SCGB2B2: variants seen among roughly 807,000 people sequenced by gnomAD.
The protein encoded by SCGB2B2 is secretoglobin-like protein.
Under a neutral mutation model 7.6 loss-of-function variants are expected in SCGB2B2, and 11 were observed. The observed-to-expected ratio is 1.45, with a 90% confidence interval of 0.91 to 2.40. The LOEUF (loss-of-function observed/expected upper bound fraction) is 2.40, where lower values mean the gene tolerates loss of function less well. Among genes scored for constraint, SCGB2B2 ranks in the 30% most tolerant of loss-of-function variants. The pLI is 0.00. For missense variants in SCGB2B2, 104 were observed against 115.4 expected, an observed-to-expected ratio of 0.90 and a Z score of 0.45; for synonymous variants, 50 against 48.6, an observed-to-expected ratio of 1.03 and a Z score of -0.12.
At chr19:34,669,618 T>A (rs1365579305) in intron 1 of SCGB2B2, among the ~76,000 whole-genome samples, 6 of 147,220 alleles carry the variant, frequency 4.1e-5, no homozygotes, top group Non-Finnish European at 7.5e-5. Flanking sequence ...ACCCAACCCA[T>A]CCCACTGCAT....
rs775431174 is a variant in SCGB2B2, at chr19:34,594,754, G to A, written c.-191C>T. 6.4e-6 allele frequency: 4 copies of A among 624,760 alleles called. No individual in the cohort carries two copies. In the East Asian group the frequency reaches 8.4e-5, roughly 13 times the overall value. 38.7% of individuals were successfully genotyped at this position (624,760 alleles called of 1,614,324 possible). A position where few individuals can be genotyped will look rare whatever the true frequency, so the allele number is the denominator to read the frequency against. On this transcript the variant is annotated 5_prime_UTR_variant, in exon 2 of 4. It introduces an in-frame stop codon into an upstream open reading frame of the 5' UTR. Transcript: ENST00000601241. ...GAGACCCTCGGCCCTGGGCCATGCT[G>A]TTGGGGTGGCAGCGTATCGGGAACT...
chr19:34,659,362 G>A (rs2067384254), intron 1 of SCGB2B2, among the ~76,000 whole-genome samples: 1 of 152,174 alleles, frequency 6.6e-6, no homozygotes, highest in African/African-American at 2.4e-5. Context: ...CCTGTTTGCA[G>A]ATGACATGAT....
At chr19:34,616,444 G>A (rs867408178) in intron 1 of SCGB2B2, among the ~76,000 whole-genome samples, 1,430 of 118,404 alleles carry the variant, frequency 0.012, 80 homozygotes, top group African/African-American at 0.038. Context: ...GGCCAGTGAT[G>A]GTGAGCATTT....
intron 1 of SCGB2B2, among the ~76,000 whole-genome samples, chr19:34,650,011 G>A (rs561220172): frequency 1.3e-5 from 2 of 151,316 alleles, no homozygotes; most frequent in Non-Finnish European, 2.9e-5. Flanking sequence ...CATCCCCTAA[G>A]TGTCCTGAGG....
At chr19:34,604,563 GGTT>G (rs1367490725) in intron 1 of SCGB2B2, among the ~76,000 whole-genome samples, 1 of 152,154 alleles carries the variant, frequency 6.6e-6, no homozygotes, top group African/African-American at 2.4e-5. Flanking sequence ...TGAATTTTCA[GGTT>G]GTTTGTGACA....
At chr19:34,594,080 A>C (rs530369520) in intron 3 of SCGB2B2, 95 bp downstream of exon 3, 18 of 1,049,560 alleles carry the variant, frequency 1.7e-5, no homozygotes, top group Non-Finnish European at 2.6e-5. Context: ...TTCCTGCTTA[A>C]AACGTGGAAA....
At chr19:34,672,398 G>A (rs2067825723) in intron 1 of SCGB2B2, among the ~76,000 whole-genome samples, 1 of 151,928 alleles carries the variant, frequency 6.6e-6, no homozygotes, top group African/African-American at 2.4e-5. Context: ...CTTTTTTCAA[G>A]TTTTTAAGGT....
intron 1 of SCGB2B2, among the ~76,000 whole-genome samples, chr19:34,651,654 T>A (rs2067163617): frequency 6.6e-6 from 1 of 151,114 alleles, no homozygotes; most frequent in African/African-American, 2.5e-5. Context: ...TGAAAACATA[T>A]CCCATGTTCA....
intron 1 of SCGB2B2, among the ~76,000 whole-genome samples, chr19:34,631,119 T>TG (rs1374237616): frequency 2.1e-5 from 1 of 46,788 alleles, no homozygotes; most frequent in East Asian, 9.1e-4. Flanking sequence ...TGTTGTGGGG[T>TG]GGGGGGAGGG....
intron 1 of SCGB2B2, among the ~76,000 whole-genome samples, chr19:34,664,789 C>T (rs1378353988): frequency 7.2e-5 from 11 of 152,258 alleles, no homozygotes; most frequent in Non-Finnish European, 1.2e-4. Context: ...TTGCAGCTCC[C>T]GCTGACCCCT....
Position 34,593,113 on chromosome 19 carries a change from GGAGTTT to G in SCGB2B2, c.*436_*441del. On this transcript the variant is annotated 3_prime_UTR_variant, in exon 4 of 4. Coordinates refer to ENST00000601241, the MANE Select transcript of SCGB2B2 (RefSeq NM_001025591.4). ...GAGGTAGGTGGATCATTTGCGGTCA[GGAGTTT>G]GAGACCAGCCTGGCCAACATGGCAA... Among the ~76,000 whole-genome samples the G allele has an allele frequency of 6.6e-6, 1 of 152,280 alleles. No homozygotes were observed. Among genetic ancestry groups the G allele is most frequent in the East Asian group, 1.9e-4 (1 of 5,178 alleles).
intron 1 of SCGB2B2, among the ~76,000 whole-genome samples, chr19:34,625,060 A>G (rs1035412455): frequency 1.3e-5 from 2 of 152,224 alleles, no homozygotes; most frequent in Non-Finnish European, 1.5e-5. Flanking sequence ...GGTATTACTC[A>G]GAGTATTATC....
intron 1 of SCGB2B2, among the ~76,000 whole-genome samples, chr19:34,656,168 C>T (rs1028806890): frequency 6.6e-6 from 1 of 151,334 alleles, no homozygotes; most frequent in Non-Finnish European, 1.5e-5. Context: ...GGAGGATTTA[C>T]ACCAGCAACG....
chr19:34,640,347 G>C (rs150416959), intron 1 of SCGB2B2: 4,960 of 152,216 alleles, frequency 0.033, 103 homozygotes, highest in Non-Finnish European at 0.049. Flanking sequence ...CTGGGCTCAA[G>C]TGATCCTCTC....
chr19:34,593,673 G>GGCAA, intron 3 of SCGB2B2, 74 bp from the exon 4 acceptor site: 1 of 1,272,704 alleles, frequency 7.9e-7, no homozygotes, highest in Non-Finnish European at 1.1e-6. Context: ...TTATTGCCCG[G>GGCAA]TCCCCGAGCT....
intron 1 of SCGB2B2, among the ~76,000 whole-genome samples, chr19:34,611,941 A>G (rs1425759886): frequency 7.0e-6 from 1 of 142,244 alleles, no homozygotes; most frequent in Admixed American, 7.1e-5. Context: ...GCATGAGCCA[A>G]TGTGCCTGGC....
Position 34,651,314 on chromosome 19 carries a change from C to T in SCGB2B2, c.-2032+24316G>A, listed in dbSNP as rs1040855346. Among the ~76,000 whole-genome samples, 31 of 151,064 alleles carry T rather than the reference C, an allele frequency of 2.1e-4. 1 individual carries two copies. The highest frequency in any genetic ancestry group is 7.4e-4 in the African/African-American group (30 of 40,416). On this transcript the variant is annotated intron_variant, in intron 1 of 3. Coordinates refer to ENST00000601241, the MANE Select transcript of SCGB2B2 (RefSeq NM_001025591.4). The stretch of plus-strand genomic sequence containing the variant: ...AAAGAAGGATGTCAAATTGTCTCTG[C>T]TTGCAGAGGACACGATCTTATGTAC...
In SCGB2B2 at chr19:34,666,806, C is replaced by T. The variant is rs534848121; in HGVS notation, c.-2032+8824G>A. ...GCTGTTGCTCGTGGGTAGGCCCTGC[C>T]AGGAGACCCTGGGCTGCGCTGCAGC... On this transcript the variant is annotated intron_variant, in intron 1 of 3. Transcript: ENST00000601241. Among the ~76,000 whole-genome samples, 6 of 152,220 alleles carry T rather than the reference C, an allele frequency of 3.9e-5. No homozygotes were observed. In the South Asian group the frequency reaches 1.2e-3, roughly 32 times the overall value.
At chr19:34,661,566 C>T (rs902736296) in intron 1 of SCGB2B2, among the ~76,000 whole-genome samples, 3 of 152,254 alleles carry the variant, frequency 2.0e-5, no homozygotes, top group Non-Finnish European at 4.4e-5. Context: ...TTAGTGTGTA[C>T]TCAACGCAGT....
Sources: allele counts gnomAD v4.1 joint callset (sites outside exome capture counted in the v4.1 genomes callset), GRCh38; gene constraint gnomAD v4.1.1; transcripts MANE v1.5; gene names NCBI Gene and HGNC (gene_info 2026-07-23, HGNC 2026-07-21).